Variants in EYS observed in about 807,000 individuals in gnomAD.
EYS encodes EGF-like photoreceptor maintenance factor.
A neutral mutation model predicts 282.1 loss-of-function variants in EYS; 250 were observed. The observed-to-expected ratio is 0.89, with a 90% CI of 0.80 to 0.98. The LOEUF (loss-of-function observed/expected upper bound fraction) is 0.98. EYS is among the 50% of genes least tolerant of loss of function. The pLI, the probability that EYS is intolerant of heterozygous loss-of-function variation, is 0.00. For synonymous variants in EYS, 1,355 were observed against 1,282.9 expected, an observed-to-expected ratio of 1.06 and a Z score of -1.20; for missense variants, 4,016 against 3,709.0, an observed-to-expected ratio of 1.08 and a Z score of -2.15.
intron 29 of EYS, among the ~76,000 whole-genome samples, chr6:64,368,627 T>C (rs548240020): frequency 6.8e-4 from 103 of 152,256 alleles, no homozygotes; most frequent in Non-Finnish European, 1.3e-3. Context: ...CTGCATCTCA[T>C]TGTGGTTTTG....
intron 33 of EYS, among the ~76,000 whole-genome samples, chr6:64,065,942 G>A (rs1771348342): frequency 6.6e-6 from 1 of 152,052 alleles, no homozygotes; most frequent in Non-Finnish European, 1.5e-5. Flanking sequence ...CTTTTGGGTG[G>A]CTGTTACACA....
intron 22 of EYS, among the ~76,000 whole-genome samples, chr6:64,658,521 G>T (rs1279243004): frequency 2.0e-5 from 3 of 152,304 alleles, no homozygotes; most frequent in African/African-American, 7.2e-5. Flanking sequence ...GTGACGTACA[G>T]ATGGGGTTTT....
chr6:65,391,475 C>T (rs1451345274), intron 7 of EYS, among the ~76,000 whole-genome samples: 1 of 152,132 alleles, frequency 6.6e-6, no homozygotes, highest in African/African-American at 2.4e-5. Flanking sequence ...AGCAAAGTCT[C>T]AGGATGCAAA....
chr6:65,444,540 G>A lies in EYS; in HGVS notation c.863-39173C>T, dbSNP rs552554944. On this transcript the variant is annotated intron_variant, in intron 5 of 42. Transcript: ENST00000503581. ...GAGGGTTGGATTGTAATCCTTTAAGGCACCTATAAACTATGTGACTTTAGG... is the reference window on the plus strand; with the variant it reads ...GAGGGTTGGATTGTAATCCTTTAAGACACCTATAAACTATGTGACTTTAGG... 9.9e-5 allele frequency among the ~76,000 whole-genome samples: 15 copies of A among 152,076 alleles called. No individual in the cohort carries two copies. In the South Asian group the frequency reaches 3.1e-3, roughly 32 times the overall value.
intron 9 of EYS, among the ~76,000 whole-genome samples, chr6:65,346,298 TA>T (rs2150321723): frequency 6.7e-6 from 1 of 150,252 alleles, no homozygotes; most frequent in Non-Finnish European, 1.5e-5. Flanking sequence ...CAAATCTTTA[TA>T]AACAGTATTT....
At chr6:64,140,869 A>G (rs981772065) in intron 31 of EYS, among the ~76,000 whole-genome samples, 3 of 151,986 alleles carry the variant, frequency 2.0e-5, no homozygotes, top group East Asian at 1.9e-4. Context: ...ACCATCCTCA[A>G]ATTTTCCTAA....
At chr6:64,425,789 G>A (rs1412922713) in intron 28 of EYS, among the ~76,000 whole-genome samples, 3 of 151,902 alleles carry the variant, frequency 2.0e-5, no homozygotes, top group Non-Finnish European at 4.4e-5. Context: ...AGAGCAAACT[G>A]ATGAGTAAAA....
At chr6:64,140,028 C>G (rs1774290853) in intron 31 of EYS, among the ~76,000 whole-genome samples, 3 of 151,418 alleles carry the variant, frequency 2.0e-5, no homozygotes, top group Admixed American at 1.3e-4. Context: ...TGGACAAGTG[C>G]TTGGATAAAT....
intron 26 of EYS, among the ~76,000 whole-genome samples, chr6:64,497,390 G>T (rs1281163132): frequency 1.3e-5 from 2 of 152,130 alleles, no homozygotes; most frequent in Non-Finnish European, 2.9e-5. Flanking sequence ...AGAATAGATA[G>T]AATTTGGATA....
At chr6:63,942,745 A>G (rs981454709) in intron 35 of EYS, among the ~76,000 whole-genome samples, 3 of 152,136 alleles carry the variant, frequency 2.0e-5, no homozygotes, top group Non-Finnish European at 2.9e-5. Flanking sequence ...AAATTATGAC[A>G]TATTTCTGTA....
chr6:65,047,306 C>T lies in EYS; in HGVS notation c.2137+10308G>A, dbSNP rs376759352. Among the ~76,000 whole-genome samples, 27 of 151,924 alleles carry T rather than the reference C, an allele frequency of 1.8e-4. No homozygotes were observed. In the East Asian group the frequency reaches 3.3e-3, roughly 19 times the overall value. On this transcript the variant is annotated intron_variant, in intron 13 of 42. Coordinates refer to ENST00000503581, the MANE Select transcript of EYS (RefSeq NM_001142800.2). ...AAACCTCTAGTCTTACCTATATCTC[C>T]ATCCATACTTTGTATTTGGTTACTT...
chr6:65,128,928 C>A (rs1183306571), intron 12 of EYS, among the ~76,000 whole-genome samples: 5 of 151,814 alleles, frequency 3.3e-5, no homozygotes, highest in East Asian at 1.9e-4. Context: ...TACAAGGCTG[C>A]AGTAAAAAAA....
At chr6:64,789,832 G>A (rs746399936) in intron 22 of EYS, among the ~76,000 whole-genome samples, 1 of 151,518 alleles carries the variant, frequency 6.6e-6, no homozygotes, top group Non-Finnish European at 1.5e-5. Flanking sequence ...TATCTGATAA[G>A]CCAGCATCCA....
intron 12 of EYS, among the ~76,000 whole-genome samples, chr6:65,174,617 G>A (rs945116234): frequency 2.0e-5 from 3 of 151,100 alleles, no homozygotes; most frequent in Non-Finnish European, 1.5e-5. Context: ...AAGATAATTC[G>A]ATCTTCTAAA....
intron 28 of EYS, among the ~76,000 whole-genome samples, chr6:64,390,756 G>A (rs980171142): frequency 1.4e-4 from 21 of 149,796 alleles, no homozygotes; most frequent in African/African-American, 5.0e-4. Flanking sequence ...CACCAGCAAC[G>A]GAACAAAGCT....
chr6:65,178,862 T>G (rs1765297300), intron 12 of EYS, among the ~76,000 whole-genome samples: 1 of 152,036 alleles, frequency 6.6e-6, no homozygotes, highest in Admixed American at 6.6e-5. Context: ...ACAAACTGTC[T>G]CTCAGACCAC....
At chr6:64,369,676 C>G (rs534803819) in intron 29 of EYS, among the ~76,000 whole-genome samples, 1 of 152,086 alleles carries the variant, frequency 6.6e-6, no homozygotes, top group East Asian at 1.9e-4. Context: ...AATAAAATAG[C>G]CACGATATCC....
At chr6:64,714,340 G>C (rs561336998) in intron 22 of EYS, among the ~76,000 whole-genome samples, 60 of 152,160 alleles carry the variant, frequency 3.9e-4, no homozygotes, top group South Asian at 2.3e-3. Context: ...CCCAGATAAG[G>C]AATAATTGAG....
chr6:64,942,670 A>C (rs1769127923), intron 15 of EYS, among the ~76,000 whole-genome samples: 2 of 152,024 alleles, frequency 1.3e-5, no homozygotes. Context: ...TGAATGAGAA[A>C]AAAATTGAAA....
Sources: gnomAD v4.1 joint callset for allele counts (sites outside exome capture counted in the v4.1 genomes callset) on GRCh38, gnomAD v4.1.1 for gene constraint, MANE v1.5 for transcripts, NCBI Gene and HGNC (gene_info 2026-07-23, HGNC 2026-07-21) for gene names.